The following CSMD1 variants were observed in gnomAD, a reference collection of about 807,000 sequenced individuals.
CSMD1 encodes the protein CUB and Sushi multiple domains 1, also known as CUB and sushi domain-containing protein 1.
CSMD1 carries 213 observed loss-of-function variants against 417.5 expected under a neutral mutation model. That is an observed-to-expected ratio of 0.51 (90% CI 0.46 to 0.57). The LOEUF (loss-of-function observed/expected upper bound fraction) is 0.57. Among genes scored for constraint, CSMD1 ranks in the 20% least tolerant of loss-of-function variants. The pLI is 0.00. For missense variants in CSMD1, 6,923 were observed against 4,529.7 expected (o/e 1.53, Z -15.17); for synonymous variants, 2,862 against 1,736.8 (o/e 1.65, Z -16.11).
At position 3,667,290 on chromosome 8, in the gene CSMD1, T is replaced by C. The variant is rs546600070; in HGVS notation, c.1009+41124A>G. Among the ~76,000 whole-genome samples, 11 of 152,254 alleles carry C rather than the reference T, an allele frequency of 7.2e-5. No homozygotes were observed. In the East Asian group the frequency reaches 2.1e-3, roughly 29 times the overall value. On this transcript the variant is annotated intron_variant, in intron 7 of 69. Coordinates refer to ENST00000635120, the MANE Select transcript of CSMD1 (RefSeq NM_033225.6). The stretch of plus-strand genomic sequence containing the variant: ...ATGATATGTCAGATTATAAGGGTTA[T>C]GTGAAAAATAAGGAAAGATAAAAAG...
intron 30 of CSMD1, among the ~76,000 whole-genome samples, chr8:3,213,379 T>G (rs2116810101): frequency 6.6e-6 from 1 of 152,220 alleles, no homozygotes; most frequent in Admixed American, 6.5e-5. Context: ...GAGGAGTGTT[T>G]GCCTATAGAG....
At chr8:4,964,849 T>C (rs572850600) in intron 1 of CSMD1, among the ~76,000 whole-genome samples, 2 of 152,292 alleles carry the variant, frequency 1.3e-5, no homozygotes, top group Non-Finnish European at 1.5e-5. Context: ...ACCAGTCGTG[T>C]CTGATGTAAT....
At chr8:3,693,969 G>T (rs893229168) in intron 7 of CSMD1, among the ~76,000 whole-genome samples, 8 of 151,300 alleles carry the variant, frequency 5.3e-5, no homozygotes, top group African/African-American at 1.9e-4. Context: ...GTGTGTGTGT[G>T]TTGGGTATGT....
chr8:4,712,457 AT>A (rs918319150), intron 1 of CSMD1, among the ~76,000 whole-genome samples: 4 of 152,068 alleles, frequency 2.6e-5, no homozygotes, highest in East Asian at 3.9e-4. Context: ...CCTTCTCACA[AT>A]TTTTTTTCCC....
intron 4 of CSMD1, among the ~76,000 whole-genome samples, chr8:4,031,137 T>C (rs529805966): frequency 2.4e-4 from 36 of 152,358 alleles, no homozygotes; most frequent in African/African-American, 8.4e-4. Context: ...TGTTCTAAAC[T>C]CTGCCTGTTA....
intron 5 of CSMD1, among the ~76,000 whole-genome samples, chr8:3,817,425 C>T (rs369480201): frequency 6.6e-5 from 10 of 151,586 alleles, no homozygotes; most frequent in African/African-American, 9.7e-5. Context: ...GGACTATAGG[C>T]GTGCGCCAAC....
intron 3 of CSMD1, among the ~76,000 whole-genome samples, chr8:4,404,893 C>G (rs539789212): frequency 6.6e-6 from 1 of 152,276 alleles, no homozygotes; most frequent in East Asian, 1.9e-4. Context: ...TTATTTCGCT[C>G]ATTGAATTTT....
chr8:3,626,929 A>G (rs1054792568), intron 7 of CSMD1, among the ~76,000 whole-genome samples: 15 of 151,122 alleles, frequency 9.9e-5, no homozygotes, highest in African/African-American at 3.6e-4. Context: ...AAATATTAGT[A>G]TATTATACAG....
intron 3 of CSMD1, among the ~76,000 whole-genome samples, chr8:4,285,281 G>C (rs1429621368): frequency 6.6e-6 from 1 of 152,058 alleles, no homozygotes; most frequent in Admixed American, 6.5e-5. Context: ...TTTCGTTCTT[G>C]CTTAAATAAT....
rs536402803 is a variant in CSMD1 at position 4,029,406 on chromosome 8, G to T, written c.610+2499C>A. ...GGAAGCCTCACAATCATGGTGGAAG[G>T]CAAGGAGGACCTAGCCACGTCTTAT... On this transcript the variant is annotated intron_variant, in intron 4 of 69. Transcript: ENST00000635120. 2.4e-4 allele frequency among the ~76,000 whole-genome samples: 37 copies of T among 152,296 alleles called. 1 individual carries two copies. The highest frequency in any genetic ancestry group is 2.1e-3 in the Admixed American group (32 of 15,290).
At chr8:4,321,902 C>G (rs1799292444) in intron 3 of CSMD1, among the ~76,000 whole-genome samples, 2 of 151,890 alleles carry the variant, frequency 1.3e-5, no homozygotes, top group Non-Finnish European at 2.9e-5. Flanking sequence ...ATTTATTAGA[C>G]TTTTGCCTTT....
intron 37 of CSMD1, among the ~76,000 whole-genome samples, chr8:3,168,775 T>C (rs1347300874): frequency 6.6e-6 from 1 of 152,060 alleles, no homozygotes; most frequent in Non-Finnish European, 1.5e-5. Context: ...GTCTCATCTG[T>C]AAACTGTTGG....
At chr8:4,606,074 G>T (rs1331480437) in intron 2 of CSMD1, among the ~76,000 whole-genome samples, 1 of 152,134 alleles carries the variant, frequency 6.6e-6, no homozygotes, top group Middle Eastern at 3.2e-3. Context: ...GGATGCGGTG[G>T]TGGGAGGCTA....
chr8:3,601,354 C>A (rs1801352922), intron 8 of CSMD1, among the ~76,000 whole-genome samples: 2 of 152,186 alleles, frequency 1.3e-5, no homozygotes, highest in African/African-American at 2.4e-5. Flanking sequence ...GCAGCAGATA[C>A]TGAAAGTGTT....
intron 2 of CSMD1, among the ~76,000 whole-genome samples, chr8:4,454,841 T>G (rs2129872216): frequency 6.6e-6 from 1 of 152,250 alleles, no homozygotes; most frequent in African/African-American, 2.4e-5. Context: ...AAAGGTTTTT[T>G]TCCACAGTTT....
chr8:3,257,736 A>T (rs1419264111), intron 26 of CSMD1, among the ~76,000 whole-genome samples: 1 of 152,098 alleles, frequency 6.6e-6, no homozygotes, highest in African/African-American at 2.4e-5. Context: ...AGAAGCATGG[A>T]CATTTCTGGG....
intron 5 of CSMD1, among the ~76,000 whole-genome samples, chr8:3,791,556 G>A (rs577549547): frequency 6.6e-6 from 1 of 152,202 alleles, no homozygotes; most frequent in Non-Finnish European, 1.5e-5. Flanking sequence ...GGGCATGGTG[G>A]CTCACGCCTA....
chr8:4,573,529 C>T (rs1338652229), intron 2 of CSMD1, among the ~76,000 whole-genome samples: 4 of 152,086 alleles, frequency 2.6e-5, no homozygotes, highest in African/African-American at 4.8e-5. Context: ...AGATGCCATC[C>T]GGAGCTCTCC....
chr8:4,928,024 T>C (rs867971649), intron 1 of CSMD1, among the ~76,000 whole-genome samples: 19 of 152,192 alleles, frequency 1.2e-4, no homozygotes, highest in Non-Finnish European at 1.8e-4. Flanking sequence ...GCGGCAAAAG[T>C]AGAAATCCTT....
Sources: allele counts gnomAD v4.1 joint callset (sites outside exome capture counted in the v4.1 genomes callset), GRCh38; gene constraint gnomAD v4.1.1; transcripts MANE v1.5; gene names NCBI Gene and HGNC (gene_info 2026-07-23, HGNC 2026-07-21).